TMEM220: variants seen among roughly 807,000 people sequenced by gnomAD.
TMEM220 encodes transmembrane protein 220.
A neutral mutation model predicts 21.7 loss-of-function variants in TMEM220; 21 were observed. The observed-to-expected ratio is 0.97, with a 90% confidence interval of 0.69 to 1.39. TMEM220 has a LOEUF of 1.39. Among genes scored for constraint, TMEM220 ranks in the 40% most tolerant of loss-of-function variants. The probability of loss-of-function intolerance (pLI) is 0.00; values close to 1 mark genes in which losing one functional copy is unlikely to be tolerated. For synonymous variants in TMEM220, 80 were observed against 73.6 expected (o/e 1.09, Z -0.45); for missense variants, 191 against 201.9 (o/e 0.95, Z 0.33).
chr17:10,720,857 T>C (rs2074980122), intron 5 of TMEM220, among the ~76,000 whole-genome samples: 1 of 152,144 alleles, frequency 6.6e-6, no homozygotes, highest in Admixed American at 6.5e-5. Flanking sequence ...GCATTTGTAT[T>C]GTAGAATAAA....
At chr17:10,716,995 C>T (rs2074930026) in intron 5 of TMEM220, among the ~76,000 whole-genome samples, 1 of 152,176 alleles carries the variant, frequency 6.6e-6, no homozygotes, top group African/African-American at 2.4e-5. Context: ...CTTTCTGTTA[C>T]TTCCTGACAG....
At chr17:10,721,346 C>T (rs1390745331) in intron 5 of TMEM220, among the ~76,000 whole-genome samples, 3 of 152,062 alleles carry the variant, frequency 2.0e-5, no homozygotes, top group South Asian at 2.1e-4. Flanking sequence ...CAGTGGCTCA[C>T]GCCTGTAATC....
At chr17:10,729,622 G>C (rs895645287) in intron 1 of TMEM220, among the ~76,000 whole-genome samples, 158 bp downstream of exon 1, 1 of 152,178 alleles carries the variant, frequency 6.6e-6, no homozygotes, top group Non-Finnish European at 1.5e-5. Flanking sequence ...TTAGACGGGG[G>C]AGAAAGTGGG....
chr17:10,711,645 C>G (rs2074854545), downstream of TMEM220, among the ~76,000 whole-genome samples: 1 of 152,178 alleles, frequency 6.6e-6, no homozygotes, highest in Non-Finnish European at 1.5e-5. Flanking sequence ...GCGTGTGGCA[C>G]TCCCATCCCT....
At chr17:10,719,886 C>A (rs372073524) in intron 5 of TMEM220, among the ~76,000 whole-genome samples, 4 of 152,262 alleles carry the variant, frequency 2.6e-5, no homozygotes, top group Admixed American at 2.0e-4. Context: ...ACCTTAGAAT[C>A]AGGTTAAACC....
intron 5 of TMEM220, among the ~76,000 whole-genome samples, chr17:10,722,115 C>T (rs1452482699): frequency 6.6e-6 from 1 of 152,034 alleles, no homozygotes; most frequent in Non-Finnish European, 1.5e-5. Context: ...GCCTCAGCCT[C>T]CCAAGTAGCT....
downstream of TMEM220, among the ~76,000 whole-genome samples, chr17:10,712,507 A>C (rs1243793361): frequency 6.6e-6 from 1 of 152,220 alleles, no homozygotes; most frequent in Non-Finnish European, 1.5e-5. Context: ...TCTTGCACTC[A>C]TAGACCTTAC....
chr17:10,729,761 C>A lies in TMEM220; in HGVS notation c.72+19G>T, dbSNP rs2075101745. 2.2e-6 allele frequency: 3 copies of A among 1,348,956 alleles called. No homozygotes were observed. Among genetic ancestry groups the A allele is most frequent in the Middle Eastern group, 2.8e-4 (1 of 3,622 alleles). The allele number at this position is 1,348,956 out of a possible 1,614,324, so 83.6% of individuals were successfully genotyped here. A position where few individuals can be genotyped will look rare whatever the true frequency, so the allele number is the denominator to read the frequency against. On this transcript the variant is annotated intron_variant, in intron 1 of 5. Transcript: ENST00000341871. Reference sequence around the variant, plus strand: ...AGCTGGGAGCCGGGCGGGTCCCCCTCCCACCGCGGCCGCCTGACCTGCACC... The same window carrying A: ...AGCTGGGAGCCGGGCGGGTCCCCCTACCACCGCGGCCGCCTGACCTGCACC...
rs1413457178 is a variant in TMEM220 at position 10,725,262 on chromosome 17, C to T, written c.164-128G>A. On this transcript the variant is annotated intron_variant, in intron 3 of 5. Transcript: ENST00000341871. ...CATTCAGACTCCCTCAGCCCCATCG[C>T]CCCTTTTTGTTTTAGGACAACACAG... is the stretch of plus-strand genomic sequence containing the variant. 3 of 1,322,942 alleles carry T rather than the reference C, an allele frequency of 2.3e-6. No homozygotes were observed. In the African/African-American group the frequency reaches 4.4e-5, roughly 20 times the overall value. 82.0% of individuals were successfully genotyped at this position (1,322,942 alleles called of 1,614,324 possible).
chr17:10,725,173 A>G (rs2075035493), intron 3 of TMEM220, 39 bp from the exon 4 acceptor site: 1 of 1,608,388 alleles, frequency 6.2e-7, no homozygotes, highest in Non-Finnish European at 8.5e-7. Flanking sequence ...CCACGGAATC[A>G]CAGCCCACAG....
chr17:10,712,070 G>A (rs1469123171), downstream of TMEM220, among the ~76,000 whole-genome samples: 4 of 152,202 alleles, frequency 2.6e-5, no homozygotes, highest in Non-Finnish European at 5.9e-5. Flanking sequence ...TTGCAGTTCT[G>A]GAGGTCAGAA....
At chr17:10,727,385 C>T (rs1178206371) in intron 2 of TMEM220, among the ~76,000 whole-genome samples, 1 of 152,006 alleles carries the variant, frequency 6.6e-6, no homozygotes, top group Non-Finnish European at 1.5e-5. Context: ...GACTGAGATT[C>T]TGAACAAGAA....
chr17:10,726,352 G>T, intron 2 of TMEM220, 88 bp from the exon 3 acceptor site: 1 of 1,073,724 alleles, frequency 9.3e-7, no homozygotes, highest in Non-Finnish European at 1.4e-6. Context: ...AAAGAAAGAT[G>T]AGATCAGTGG....
intron 3 of TMEM220, among the ~76,000 whole-genome samples, 185 bp from the exon 4 acceptor site, chr17:10,725,319 C>T (rs372093634): frequency 3.3e-5 from 5 of 152,134 alleles, no homozygotes; most frequent in African/African-American, 1.2e-4. Context: ...ACTTCAGTGG[C>T]CATTTCTTGT....
chr17:10,729,916 T>TGCGGGGCGGTG lies in TMEM220; in HGVS notation c.-66_-65insCACCGCCCCGC. On this transcript the variant is annotated 5_prime_UTR_variant, in exon 1 of 6. Transcript: ENST00000341871. Reference sequence around the variant, plus strand: ...GTGCGGGGCGGTGAGTCCTGCCACGTACGGTCCGCCTTCCTCCTTGCGCGG... The same window carrying TGCGGGGCGGTG: ...GTGCGGGGCGGTGAGTCCTGCCACGTGCGGGGCGGTGACGGTCCGCCTTCCTCCTTGCGCGG... The TGCGGGGCGGTG allele has an allele frequency of 1.6e-6, 2 of 1,262,522 alleles. No individual in the cohort carries two copies. Among genetic ancestry groups the TGCGGGGCGGTG allele is most frequent in the Admixed American group, 4.1e-5 (1 of 24,426 alleles). The allele number at this position is 1,262,522 out of a possible 1,614,324, so 78.2% of individuals were successfully genotyped here.
At chr17:10,719,337 C>T (rs910503777) in intron 5 of TMEM220, among the ~76,000 whole-genome samples, 4 of 152,088 alleles carry the variant, frequency 2.6e-5, no homozygotes, top group Non-Finnish European at 4.4e-5. Flanking sequence ...AGTGCAGTGG[C>T]GCGATCTCGG....
intron 3 of TMEM220, among the ~76,000 whole-genome samples, chr17:10,725,424 A>T (rs1199523020): frequency 1.3e-5 from 2 of 152,188 alleles, no homozygotes; most frequent in East Asian, 3.9e-4. Flanking sequence ...TTTCCCAGTG[A>T]ACTGGACTTT....
At chr17:10,728,928 G>T (rs888314190) in intron 2 of TMEM220, 103 bp downstream of exon 2, 6 of 1,285,848 alleles carry the variant, frequency 4.7e-6, no homozygotes, top group Non-Finnish European at 5.6e-6. Context: ...AAGTTTCTCA[G>T]AAAATTAAGC....
At position 10,713,981 on chromosome 17, in the gene TMEM220, CAG is replaced by C; in HGVS notation, c.*1470_*1471del. 1 of 152,284 alleles carries C rather than the reference CAG, an allele frequency of 6.6e-6. No homozygotes were observed. The highest frequency in any genetic ancestry group is 1.9e-4 in the East Asian group (1 of 5,190). The allele number at this position is 152,284 out of a possible 1,614,324, so 9.4% of individuals were successfully genotyped here. A position where few individuals can be genotyped will look rare whatever the true frequency, so the allele number is the denominator to read the frequency against. On this transcript the variant is annotated 3_prime_UTR_variant, in exon 6 of 6. Coordinates refer to ENST00000341871, the MANE Select transcript of TMEM220 (RefSeq NM_001004313.3). ...GATCAGAAAAAACAGTATCTGACCA[CAG>C]AGTTTGATGCTTGTGTATGTAAAAT...
Sources: gnomAD v4.1 joint callset for allele counts (sites outside exome capture counted in the v4.1 genomes callset) on GRCh38, gnomAD v4.1.1 for gene constraint, MANE v1.5 for transcripts, NCBI Gene and HGNC (gene_info 2026-07-23, HGNC 2026-07-21) for gene names.